S100A7: variants seen among roughly 807,000 people sequenced by gnomAD.
S100A7 encodes protein S100-A7.
A neutral mutation model predicts 3.8 loss-of-function variants in S100A7; 2 were observed. That is an observed-to-expected ratio of 0.53 (90% CI 0.22 to 1.67). The LOEUF is 1.67. S100A7 is among the 40% of genes most tolerant of loss of function. The pLI is 0.20. For missense variants in S100A7, 130 were observed against 126.3 expected, an observed-to-expected ratio of 1.03 and a Z score of -0.14; for synonymous variants, 55 against 45.9, an observed-to-expected ratio of 1.20 and a Z score of -0.80.
chr1:153,460,586 C>A lies in S100A7; in HGVS notation c.-18+22G>T. 3 of 932,318 alleles carry A rather than the reference C, an allele frequency of 3.2e-6. No homozygotes were observed. In the South Asian group the frequency reaches 4.2e-5, roughly 13 times the overall value. 57.8% of individuals were successfully genotyped at this position (932,318 alleles called of 1,614,324 possible). A position where few individuals can be genotyped will look rare whatever the true frequency, so the allele number is the denominator to read the frequency against. ...AGGCACTGGGCACTTCTAGAAAACGCAAAGAGGCAGGTGAGACTTACCAGA... is the reference window on the plus strand; with the variant it reads ...AGGCACTGGGCACTTCTAGAAAACGAAAAGAGGCAGGTGAGACTTACCAGA... On this transcript the variant is annotated intron_variant, in intron 1 of 2. Transcript: ENST00000368723.
rs1663746042 is a variant in S100A7 at position 153,458,737 on chromosome 1, T to C, written c.141+136A>G. 2.9e-5 allele frequency: 31 copies of C among 1,050,924 alleles called. 2 individuals carry two copies. The South Asian group carries it at 5.0e-4, about 17-fold the overall frequency. 65.1% of individuals were successfully genotyped at this position (1,050,924 alleles called of 1,614,324 possible). ...TTCATACTTTTTTGCCTACCATCCT[T>C]AGATTCACATATGATCCAAGTAATA... On this transcript the variant is annotated intron_variant, in intron 2 of 2. Coordinates refer to ENST00000368723, the MANE Select transcript of S100A7 (RefSeq NM_002963.4).
At position 153,458,989 on chromosome 1, in the gene S100A7, A is replaced by G. The variant is rs759355639; in HGVS notation, c.25T>C (p.Ser9Pro). The change falls in exon 2 of 3, where the codon TCC (serine) becomes CCC (proline). Residue 9 changes from serine to proline, a missense_variant. Coordinates refer to ENST00000368723, the MANE Select transcript of S100A7 (RefSeq NM_002963.4). The part of the protein sequence containing the change: MSNTQAER[S>P]IIGMIDMFHK... ...AACATGTCGATCATGCCTATTATGG[A>G]CCTCTCAGCTTGAGTGTTGCTCATC... 1.2e-6 allele frequency: 2 copies of G among 1,613,944 alleles called. No individual in the cohort carries two copies. Among genetic ancestry groups the G allele is most frequent in the Non-Finnish European group, 1.7e-6 (2 of 1,179,968 alleles).
At chr1:153,458,494 C>A (rs1277738681) in intron 2 of S100A7, among the ~76,000 whole-genome samples, 2 of 152,098 alleles carry the variant, frequency 1.3e-5, no homozygotes, top group African/African-American at 4.8e-5. Context: ...GCAAAGAGGG[C>A]TATTGATTTC....
chr1:153,459,101 G>A, intron 1 of S100A7, 71 bp from the exon 2 acceptor site: 1 of 1,545,744 alleles, frequency 6.5e-7, no homozygotes, highest in South Asian at 1.2e-5. Flanking sequence ...AGTGCTGGAA[G>A]GAGGGCTGAG....
chr1:153,458,018 G>A, intron 2 of S100A7, 48 bp from the exon 3 acceptor site: 1 of 1,598,814 alleles, frequency 6.3e-7, no homozygotes, highest in East Asian at 2.2e-5. Flanking sequence ...TCACAAACAA[G>A]TTTTGGGCTG....
At position 153,457,947 on chromosome 1, in the gene S100A7, G is replaced by T. The variant is rs775084129; in HGVS notation, c.165C>A (p.Leu55=). Residue 55 remains leucine (L), a synonymous_variant, in exon 3 of 3, where the codon CTC becomes CTA. Transcript: ENST00000368723. ...SACDKKGTNY[L]ADVFEKKDKN... The stretch of plus-strand genomic sequence containing the variant: ...TGTCCTTTTTCTCAAAGACATCGGC[G>T]AGGTAATTTGTGCCCTTTTTGTCCT... 1.5e-5 allele frequency: 24 copies of T among 1,614,054 alleles called. No homozygotes were observed. The highest frequency in any genetic ancestry group is 1.9e-5 in the Non-Finnish European group (22 of 1,179,998).
In S100A7 at chr1:153,458,848, A is replaced by C. The variant is rs115618585; in HGVS notation, c.141+25T>G. ...CACATAGCAAAATGTATCCTCCAAC[A>C]TTGAGAAGCTAGACACCGACTCACA... is the stretch of plus-strand genomic sequence containing the variant. On this transcript the variant is annotated intron_variant, in intron 2 of 2. Transcript: ENST00000368723. 5 of 1,612,904 alleles carry C rather than the reference A, an allele frequency of 3.1e-6. No homozygotes were observed. In the African/African-American group the frequency reaches 6.7e-5, roughly 21 times the overall value.
intron 1 of S100A7, among the ~76,000 whole-genome samples, chr1:153,460,381 C>T (rs769768150): frequency 6.6e-5 from 10 of 152,294 alleles, no homozygotes; most frequent in Middle Eastern, 3.4e-3. Context: ...ACAGGAGTTG[C>T]CTCAGGAGAT....
At chr1:153,460,544 A>G (rs1663803615) in intron 1 of S100A7, 64 bp downstream of exon 1, 1 of 716,862 alleles carries the variant, frequency 1.4e-6, no homozygotes, top group Non-Finnish European at 2.6e-6. Flanking sequence ...CCCTTCCTAC[A>G]GGCAGCATGG....
chr1:153,458,473 T>C (rs1663740999), intron 2 of S100A7, among the ~76,000 whole-genome samples: 1 of 152,100 alleles, frequency 6.6e-6, no homozygotes, highest in Admixed American at 6.6e-5. Context: ...TGCTAATGAG[T>C]CTTGTTTATT....
chr1:153,458,546 G>T (rs1211506868), intron 2 of S100A7, among the ~76,000 whole-genome samples: 1 of 152,034 alleles, frequency 6.6e-6, no homozygotes, highest in African/African-American at 2.4e-5. Context: ...GTAATCTCAG[G>T]GATGTTGATG....
Position 153,458,857 on chromosome 1 carries a change from C to A in S100A7, c.141+16G>T, listed in dbSNP as rs761586921. On this transcript the variant is annotated intron_variant, in intron 2 of 2. Coordinates refer to ENST00000368723, the MANE Select transcript of S100A7 (RefSeq NM_002963.4). ...AAATGTATCCTCCAACATTGAGAAG[C>A]TAGACACCGACTCACACAGGCACTA... is the stretch of plus-strand genomic sequence containing the variant. 1 of 1,613,354 alleles carries A rather than the reference C, an allele frequency of 6.2e-7. No individual in the cohort carries two copies. The highest frequency in any genetic ancestry group is 2.2e-5 in the East Asian group (1 of 44,866).
chr1:153,458,376 T>C (rs1663738706), intron 2 of S100A7, among the ~76,000 whole-genome samples: 1 of 152,168 alleles, frequency 6.6e-6, no homozygotes, highest in Admixed American at 6.5e-5. Flanking sequence ...TTTCTTCTCC[T>C]TTTCCACCAA....
intron 1 of S100A7, among the ~76,000 whole-genome samples, chr1:153,460,120 G>A (rs1003460232): frequency 7.2e-5 from 11 of 152,236 alleles, no homozygotes; most frequent in African/African-American, 1.9e-4. Flanking sequence ...AGGGAGTGAC[G>A]GAGCGTTGGT....
intron 2 of S100A7, 47 bp downstream of exon 2, chr1:153,458,826 A>T: frequency 6.2e-7 from 1 of 1,607,006 alleles, no homozygotes; most frequent in Non-Finnish European, 8.5e-7. Flanking sequence ...CCAAGGCCAC[A>T]TAGCAAAATG....
rs749106859 is a variant in S100A7 at position 153,457,805 on chromosome 1, G to A, written c.*1C>T. ...TCTGGAGGCCCATTGGTGGGGCTGG[G>A]TCACTGGCTGCCCCCGGAACAGGGC... On this transcript the variant is annotated 3_prime_UTR_variant, in exon 3 of 3. Transcript: ENST00000368723. 9.3e-6 allele frequency: 15 copies of A among 1,613,930 alleles called. No homozygotes were observed. In the Middle Eastern group the frequency reaches 6.6e-4, roughly 71 times the overall value.
chr1:153,457,815 G>GC lies in S100A7; in HGVS notation c.296dup (p.Ser100GlnfsTer?). 1 of 1,614,012 alleles carries GC rather than the reference G, an allele frequency of 6.2e-7. No individual in the cohort carries two copies. The highest frequency in any genetic ancestry group is 2.2e-5 in the East Asian group (1 of 44,866). ...CATTGGTGGGGCTGGGTCACTGGCTGCCCCCGGAACAGGGCGCTGCTCCAT... is the reference window on the plus strand; with the variant it reads ...CATTGGTGGGGCTGGGTCACTGGCTGCCCCCCGGAACAGGGCGCTGCTCCAT... On this transcript the variant is annotated frameshift_variant, in exon 3 of 3. Transcript: ENST00000368723. LOFTEE classifies it high-confidence loss of function.
At chr1:153,458,104 G>C in intron 2 of S100A7, 134 bp from the exon 3 acceptor site, 2 of 967,294 alleles carry the variant, frequency 2.1e-6, no homozygotes, top group Non-Finnish European at 3.1e-6. Flanking sequence ...TGAGAGCACA[G>C]GGTGAGTGGG....
At position 153,457,939 on chromosome 1, in the gene S100A7, A is replaced by C. The variant is rs1176096804; in HGVS notation, c.173T>G (p.Val58Gly). 3 of 1,614,204 alleles carry C rather than the reference A, an allele frequency of 1.9e-6. No homozygotes were observed. The highest frequency in any genetic ancestry group is 3.3e-5 in the Admixed American group (2 of 60,020). The change falls in exon 3 of 3, where the codon GTC becomes GGC. Residue 58 changes from valine to glycine, a missense_variant. Physicochemically the swap from Val to Gly is moderately radical, Grantham distance 109 (BLOSUM62 -3). Transcript: ENST00000368723. Reference sequence around the variant, plus strand: ...CTCATTCTTGTCCTTTTTCTCAAAGACATCGGCGAGGTAATTTGTGCCCTT... The same window carrying C: ...CTCATTCTTGTCCTTTTTCTCAAAGCCATCGGCGAGGTAATTTGTGCCCTT... ...DKKGTNYLAD[V>G]FEKKDKNEDK...
Sources: gnomAD v4.1 joint callset for allele counts (sites outside exome capture counted in the v4.1 genomes callset) on GRCh38, gnomAD v4.1.1 for gene constraint, MANE v1.5 for transcripts, NCBI Gene and HGNC (gene_info 2026-07-23, HGNC 2026-07-21) for gene names.